The following COL25A1 variants were observed in gnomAD, a reference collection of about 807,000 sequenced individuals.
The protein encoded by COL25A1 is collagen alpha-1(XXV) chain.
COL25A1 carries 103 observed loss-of-function variants against 128.4 expected under a neutral mutation model. That is an observed-to-expected ratio of 0.80 (90% confidence interval 0.68 to 0.94). The LOEUF (loss-of-function observed/expected upper bound fraction) is 0.94. COL25A1 is among the 40% of genes least tolerant of loss of function. The pLI is 0.00. For synonymous variants in COL25A1, 279 were observed against 277.2 expected (o/e 1.01, Z -0.06); for missense variants, 745 against 840.0 (o/e 0.89, Z 1.40).
chr4:109,103,232 C>A (rs1766085196), intron 3 of COL25A1, among the ~76,000 whole-genome samples: 1 of 152,118 alleles, frequency 6.6e-6, no homozygotes, highest in African/African-American at 2.4e-5. Flanking sequence ...TCAATGTTTT[C>A]ATAGAAAGTT....
rs1026077846 is a variant in COL25A1 at position 109,258,049 on chromosome 4, T to G, written c.367+42534A>C. On this transcript the variant is annotated intron_variant, in intron 3 of 37. Transcript: ENST00000399132. ...ATCATCATTGATGCCTTCTTCTCCC[T>G]TACCAATTAACAGAGCCCAGTTGAG... Among the ~76,000 whole-genome samples, 6 of 152,328 alleles carry G rather than the reference T, an allele frequency of 3.9e-5. No homozygotes were observed. In the East Asian group the frequency reaches 9.6e-4, roughly 24 times the overall value.
intron 11 of COL25A1, among the ~76,000 whole-genome samples, chr4:108,929,383 C>T (rs1746456008): frequency 6.6e-6 from 1 of 152,014 alleles, no homozygotes; most frequent in South Asian, 2.1e-4. Flanking sequence ...CTCGGTCTCC[C>T]AAAGTGCTGG....
chr4:108,834,316 C>T, intron 31 of COL25A1: 1 of 1,548,016 alleles, frequency 6.5e-7, no homozygotes, highest in Non-Finnish European at 8.7e-7. Flanking sequence ...TGATTCACAG[C>T]CACAAAACAT....
intron 34 of COL25A1, among the ~76,000 whole-genome samples, 188 bp from the exon 35 acceptor site, chr4:108,824,415 C>A (rs1732131084): frequency 6.6e-6 from 1 of 152,146 alleles, no homozygotes; most frequent in South Asian, 2.1e-4. Flanking sequence ...ATTATCTATA[C>A]ACAACAGGTT....
intron 3 of COL25A1, among the ~76,000 whole-genome samples, chr4:109,228,537 T>C (rs1487792028): frequency 1.3e-5 from 2 of 152,160 alleles, no homozygotes; most frequent in African/African-American, 4.8e-5. Flanking sequence ...TTTTCAGAGT[T>C]TTAGATGTTA....
At chr4:109,134,696 A>C (rs1769542014) in intron 3 of COL25A1, among the ~76,000 whole-genome samples, 1 of 152,262 alleles carries the variant, frequency 6.6e-6, no homozygotes, top group South Asian at 2.1e-4. Flanking sequence ...TTATTGTATG[A>C]ACTAGATGGA....
intron 32 of COL25A1, among the ~76,000 whole-genome samples, chr4:108,828,555 C>T (rs896658): frequency 0.1 from 15,185 of 152,112 alleles, 1,011 homozygotes; most frequent in African/African-American, 0.17. Context: ...CCATCTTACA[C>T]GATATTCTTG....
chr4:108,926,421 C>G (rs1206748538), intron 11 of COL25A1, among the ~76,000 whole-genome samples: 2 of 152,130 alleles, frequency 1.3e-5, no homozygotes, highest in Non-Finnish European at 2.9e-5. Flanking sequence ...GATAAAAGCC[C>G]AAAACTATTA....
chr4:108,868,335 T>C (rs930600185), intron 20 of COL25A1, among the ~76,000 whole-genome samples: 2 of 152,102 alleles, frequency 1.3e-5, no homozygotes, highest in Non-Finnish European at 2.9e-5. Flanking sequence ...AGTGGTGCCA[T>C]TAGAAGTGTT....
intron 6 of COL25A1, among the ~76,000 whole-genome samples, chr4:108,979,500 T>A (rs1752753249): frequency 6.6e-6 from 1 of 152,094 alleles, no homozygotes; most frequent in South Asian, 2.1e-4. Flanking sequence ...TGGAAAAAAC[T>A]AAGGCAGGAA....
At chr4:109,159,432 G>A (rs112996142) in intron 3 of COL25A1, among the ~76,000 whole-genome samples, 22 of 152,144 alleles carry the variant, frequency 1.4e-4, no homozygotes, top group African/African-American at 3.4e-4. Flanking sequence ...CTGGAGACAC[G>A]TATAAGAATA....
intron 3 of COL25A1, among the ~76,000 whole-genome samples, chr4:109,224,314 T>C (rs1319343382): frequency 6.6e-6 from 1 of 152,158 alleles, no homozygotes; most frequent in Non-Finnish European, 1.5e-5. Flanking sequence ...CCCACTAATA[T>C]ATGGGTAGAA....
At chr4:109,276,343 C>T (rs1237699062) in intron 3 of COL25A1, among the ~76,000 whole-genome samples, 2 of 147,734 alleles carry the variant, frequency 1.4e-5, no homozygotes, top group East Asian at 2.0e-4. Context: ...ACCCAGGAGG[C>T]GGAGGTTGCA....
At chr4:109,221,928 C>T (rs1017018402) in intron 3 of COL25A1, among the ~76,000 whole-genome samples, 3 of 151,806 alleles carry the variant, frequency 2.0e-5, no homozygotes, top group African/African-American at 7.3e-5. Context: ...ATAACTCCTA[C>T]AAAAGGAAAA....
At chr4:108,966,945 GAAAGAAAGAA>G (rs1751375593) in intron 8 of COL25A1, among the ~76,000 whole-genome samples, 1 of 119,062 alleles carries the variant, frequency 8.4e-6, no homozygotes, top group Non-Finnish European at 1.9e-5. Flanking sequence ...AGAAAGAGAG[GAAAGAAAGAA>G]AAAGAAAGAA....
chr4:109,180,489 G>A (rs2126144298), intron 3 of COL25A1, among the ~76,000 whole-genome samples: 1 of 151,998 alleles, frequency 6.6e-6, no homozygotes, highest in South Asian at 2.1e-4. Flanking sequence ...TGTAAAATGG[G>A]GCTAAAAGTT....
Position 108,859,648 on chromosome 4 carries a change from T to C in COL25A1, c.1320+8A>G. ...CAGTGTGTGTCAGGGCAGGGACCAGTCACTTGCCTGTAAGGCTTCGTGGAG... is the reference window on the plus strand; with the variant it reads ...CAGTGTGTGTCAGGGCAGGGACCAGCCACTTGCCTGTAAGGCTTCGTGGAG... On this transcript the variant is annotated splice_region_variant and intron_variant, in intron 24 of 37. Coordinates refer to ENST00000399132, the MANE Select transcript of COL25A1 (RefSeq NM_198721.4). 1 of 1,612,652 alleles carries C rather than the reference T, an allele frequency of 6.2e-7. No homozygotes were observed. The highest frequency in any genetic ancestry group is 8.5e-7 in the Non-Finnish European group (1 of 1,179,232).
intron 15 of COL25A1, among the ~76,000 whole-genome samples, chr4:108,898,386 C>G (rs1031978664): frequency 6.6e-6 from 1 of 152,116 alleles, no homozygotes; most frequent in Non-Finnish European, 1.5e-5. Flanking sequence ...GTCAGAAAGA[C>G]CATATCACTT....
At chr4:109,299,228 T>C (rs6822076) in intron 3 of COL25A1, among the ~76,000 whole-genome samples, 42,847 of 152,016 alleles carry the variant, frequency 0.28, 6,150 homozygotes, top group East Asian at 0.35. Context: ...GTCCTGGGAA[T>C]TTAAATAATC....
Sources: gnomAD v4.1 joint callset for allele counts (sites outside exome capture counted in the v4.1 genomes callset) on GRCh38, gnomAD v4.1.1 for gene constraint, MANE v1.5 for transcripts, NCBI Gene and HGNC (gene_info 2026-07-23, HGNC 2026-07-21) for gene names.